Variants in MGMT observed in about 807,000 individuals in gnomAD.
MGMT encodes the protein methylated-DNA--protein-cysteine methyltransferase.
Under a neutral mutation model 15.9 loss-of-function variants are expected in MGMT, and 14 were observed. The observed-to-expected ratio is 0.88, with a 90% CI of 0.58 to 1.37. The LOEUF is 1.37. Among genes scored for constraint, MGMT ranks in the 40% most tolerant of loss-of-function variants. MGMT has a pLI of 0.00. For missense variants in MGMT, 282 were observed against 268.1 expected (o/e 1.05, Z -0.36); for synonymous variants, 130 against 118.2 (o/e 1.10, Z -0.65).
At chr10:129,483,356 T>C (rs1395360961) in intron 1 of MGMT, among the ~76,000 whole-genome samples, 1 of 152,186 alleles carries the variant, frequency 6.6e-6, no homozygotes, top group Non-Finnish European at 1.5e-5. Context: ...TTTTTTGAAA[T>C]CCTCATTCCT....
At chr10:129,550,294 A>G (rs1846141665) in intron 2 of MGMT, among the ~76,000 whole-genome samples, 1 of 150,960 alleles carries the variant, frequency 6.6e-6, no homozygotes, top group East Asian at 1.9e-4. Context: ...CAGCACCGGC[A>G]TGTTTCACAG....
At chr10:129,612,534 C>T (rs1846973296) in intron 2 of MGMT, among the ~76,000 whole-genome samples, 1 of 152,202 alleles carries the variant, frequency 6.6e-6, no homozygotes, top group Non-Finnish European at 1.5e-5. Flanking sequence ...AGTTGTTGCA[C>T]GTGAGGACAT....
intron 3 of MGMT, among the ~76,000 whole-genome samples, chr10:129,737,663 T>C (rs1047710588): frequency 6.6e-6 from 1 of 152,206 alleles, no homozygotes; most frequent in Non-Finnish European, 1.5e-5. Flanking sequence ...TTCTGCTCTG[T>C]TTTTTCCCCA....
intron 2 of MGMT, among the ~76,000 whole-genome samples, chr10:129,622,939 G>A (rs1189840267): frequency 6.6e-6 from 1 of 152,286 alleles, no homozygotes. Context: ...GGATCTACGT[G>A]GGCCGAGCAT....
At chr10:129,725,338 G>C (rs1010544408) in intron 3 of MGMT, among the ~76,000 whole-genome samples, 6 of 152,204 alleles carry the variant, frequency 3.9e-5, no homozygotes, top group Non-Finnish European at 8.8e-5. Flanking sequence ...TGCTAGACCA[G>C]GCATGTGGGT....
intron 3 of MGMT, among the ~76,000 whole-genome samples, chr10:129,729,328 G>A (rs914597920): frequency 6.6e-6 from 1 of 152,174 alleles, no homozygotes; most frequent in Non-Finnish European, 1.5e-5. Flanking sequence ...AGAGCAGCAG[G>A]TCGCAATGTC....
intron 1 of MGMT, among the ~76,000 whole-genome samples, chr10:129,468,563 CT>C (rs1845196606): frequency 6.6e-6 from 1 of 151,734 alleles, no homozygotes; most frequent in African/African-American, 2.4e-5. Flanking sequence ...TACTCAGGTA[CT>C]TTTCAATGTA....
At chr10:129,765,161 T>C (rs975319823) in intron 4 of MGMT, among the ~76,000 whole-genome samples, 5 of 151,922 alleles carry the variant, frequency 3.3e-5, no homozygotes, top group African/African-American at 1.2e-4. Flanking sequence ...CGAGATGTCC[T>C]GGCCCCTTAG....
intron 2 of MGMT, among the ~76,000 whole-genome samples, chr10:129,624,868 T>C (rs1420837491): frequency 1.3e-5 from 2 of 152,132 alleles, no homozygotes; most frequent in Non-Finnish European, 2.9e-5. Flanking sequence ...GAAGCGGCTA[T>C]GTAAACGTGA....
intron 2 of MGMT, among the ~76,000 whole-genome samples, chr10:129,607,407 A>G (rs573091715): frequency 1.6e-4 from 24 of 152,324 alleles, no homozygotes; most frequent in Admixed American, 1.0e-3. Context: ...TTTTAATAGC[A>G]GTCTAGGCCA....
At chr10:129,749,859 CTAAAGACAAATTATGT>C (rs1198608758) in intron 3 of MGMT, among the ~76,000 whole-genome samples, 7 of 152,090 alleles carry the variant, frequency 4.6e-5, no homozygotes, top group Non-Finnish European at 8.8e-5. Flanking sequence ...TGTGCAGCTC[CTAAAGACAAATTATGT>C]TAAATATCTT....
At chr10:129,576,642 C>G (rs1846486355) in intron 2 of MGMT, among the ~76,000 whole-genome samples, 2 of 152,184 alleles carry the variant, frequency 1.3e-5, no homozygotes, top group African/African-American at 4.8e-5. Flanking sequence ...GGGATGCCCT[C>G]TTTCACCACT....
At chr10:129,575,154 G>A (rs1303367877) in intron 2 of MGMT, among the ~76,000 whole-genome samples, 1 of 152,050 alleles carries the variant, frequency 6.6e-6, no homozygotes, top group Non-Finnish European at 1.5e-5. Flanking sequence ...GGATACCCAG[G>A]AATTGAACTC....
At chr10:129,593,735 C>A (rs1244159876) in intron 2 of MGMT, among the ~76,000 whole-genome samples, 3 of 152,124 alleles carry the variant, frequency 2.0e-5, no homozygotes, top group Non-Finnish European at 4.4e-5. Flanking sequence ...CCACAGACAC[C>A]CAGGGCTGTG....
chr10:129,708,904 G>A (rs1848199104), intron 3 of MGMT, among the ~76,000 whole-genome samples: 2 of 152,108 alleles, frequency 1.3e-5, no homozygotes, highest in Admixed American at 6.5e-5. Context: ...TAATTGCTGC[G>A]GTGCTTCTCA....
intron 1 of MGMT, 183 bp downstream of exon 1, chr10:129,467,479 TCCCCGGGCCTGGGGTTCCTGGACTAGG>T: frequency 1.0e-6 from 1 of 959,564 alleles, no homozygotes; most frequent in South Asian, 4.8e-5. Flanking sequence ...GCCCAGCCTT[TCCCCGGGCCTGGGGTTCCTGGACTAGG>T]CTGCGCTGCA....
chr10:129,698,283 A>G lies in MGMT; in HGVS notation c.126-9612A>G, dbSNP rs564268731. Among the ~76,000 whole-genome samples the G allele has an allele frequency of 4.2e-4, 64 of 152,242 alleles. 1 individual carries two copies. Among genetic ancestry groups the G allele is most frequent in the African/African-American group, 1.5e-3 (61 of 41,544 alleles). ...TTTGCATGACAGACACCAGCGGTTG[A>G]CCAGATGCCCCATTTGAAGCCCATG... On this transcript the variant is annotated intron_variant, in intron 2 of 4. Transcript: ENST00000651593.
At chr10:129,478,237 T>C (rs1215095372) in intron 1 of MGMT, among the ~76,000 whole-genome samples, 1 of 144,966 alleles carries the variant, frequency 6.9e-6, no homozygotes, top group Non-Finnish European at 1.5e-5. Context: ...TGGTTGATTT[T>C]TTCCCCCCCT....
chr10:129,668,859 A>G (rs1847688949), intron 2 of MGMT, among the ~76,000 whole-genome samples: 1 of 152,182 alleles, frequency 6.6e-6, no homozygotes, highest in African/African-American at 2.4e-5. Context: ...GTAGAGAAAC[A>G]TCTCTACAAT....
Sources: gnomAD v4.1 joint callset for allele counts (sites outside exome capture counted in the v4.1 genomes callset) on GRCh38, gnomAD v4.1.1 for gene constraint, MANE v1.5 for transcripts, NCBI Gene and HGNC (gene_info 2026-07-23, HGNC 2026-07-21) for gene names.